The following KALRN variants were observed in gnomAD, a reference collection of about 807,000 sequenced individuals.
The protein encoded by KALRN is kalirin.
Under a neutral mutation model 353.7 loss-of-function variants are expected in KALRN, and 70 were observed. The observed-to-expected ratio is 0.20, with a 90% CI of 0.16 to 0.24. The LOEUF (loss-of-function observed/expected upper bound fraction) is 0.24, where lower values mean the gene tolerates loss of function less well. KALRN is among the 10% of genes least tolerant of loss of function. The pLI is 1.00. For missense variants in KALRN, 2,791 were observed against 3,756.7 expected, an observed-to-expected ratio of 0.74 and a Z score of 6.72; for synonymous variants, 1,391 against 1,434.8, an observed-to-expected ratio of 0.97 and a Z score of 0.69.
chr3:124,432,645 C>T (rs566633280), intron 16 of KALRN, among the ~76,000 whole-genome samples: 12 of 152,296 alleles, frequency 7.9e-5, no homozygotes, highest in Admixed American at 2.0e-4. Flanking sequence ...TTAAGCATCT[C>T]AATGAGCTTT....
chr3:124,149,343 C>T lies in KALRN; in HGVS notation c.74-78647C>T, dbSNP rs142133491. Among the ~76,000 whole-genome samples, 457 of 152,302 alleles carry T rather than the reference C, an allele frequency of 3.0e-3. 1 individual carries two copies. The highest frequency in any genetic ancestry group is 3.4e-3 in the Middle Eastern group (1 of 292). On this transcript the variant is annotated intron_variant, in intron 1 of 59. Transcript: ENST00000682506. Reference sequence around the variant, plus strand: ...GACTCAGGCATTGAAACCATTGCTACAAGTAGGAGTCTTGGCACCTACCTA... The same window carrying T: ...GACTCAGGCATTGAAACCATTGCTATAAGTAGGAGTCTTGGCACCTACCTA...
chr3:124,141,119 G>A (rs1477537253), intron 1 of KALRN, among the ~76,000 whole-genome samples: 2 of 152,018 alleles, frequency 1.3e-5, no homozygotes, highest in Admixed American at 1.3e-4. Flanking sequence ...AAATACCCAG[G>A]GAACCGGTCC....
At chr3:124,700,098 G>C (rs1323078807) in intron 56 of KALRN, 65 bp downstream of exon 56, 1 of 1,524,272 alleles carries the variant, frequency 6.6e-7, no homozygotes, top group Non-Finnish European at 9.0e-7. Context: ...GCCTGTCACA[G>C]ACTCCTGGGC....
At chr3:124,571,055 C>T (rs546352782) in intron 34 of KALRN, among the ~76,000 whole-genome samples, 13 of 152,276 alleles carry the variant, frequency 8.5e-5, no homozygotes, top group South Asian at 4.2e-4. Flanking sequence ...TTTCTACCCA[C>T]GTCTCCTTCT....
chr3:124,498,273 A>C (rs1221996726), intron 33 of KALRN, among the ~76,000 whole-genome samples: 2 of 152,194 alleles, frequency 1.3e-5, no homozygotes, highest in Non-Finnish European at 2.9e-5. Context: ...TCATGTGCCA[A>C]GCTCTGTGCT....
intron 32 of KALRN, 21 bp downstream of exon 32, chr3:124,492,903 C>T: frequency 6.2e-7 from 1 of 1,610,410 alleles, no homozygotes; most frequent in Non-Finnish European, 8.5e-7. Context: ...CCTCTCCCTC[C>T]AGCACTGCCT....
chr3:124,516,636 T>TAAA (rs371660048), intron 33 of KALRN, among the ~76,000 whole-genome samples: 31,571 of 118,348 alleles, frequency 0.27, 3,933 homozygotes, highest in East Asian at 0.47. Flanking sequence ...AGCACATCTA[T>TAAA]AAAAAAAAAA....
rs1190631187 is a variant in KALRN, at chr3:124,110,468, C to T, written c.73+76655C>T. 1.1e-4 allele frequency among the ~76,000 whole-genome samples: 8 copies of T among 75,548 alleles called. 1 individual carries two copies. Among genetic ancestry groups the T allele is most frequent in the African/African-American group, 1.8e-4 (5 of 28,424 alleles). 49.6% of individuals were successfully genotyped at this position (75,548 alleles called of 152,430 possible). ...TATATATTTCATATATACACACGCG[C>T]GCACACACACACACACACACACACA... On this transcript the variant is annotated intron_variant, in intron 1 of 59. Coordinates refer to ENST00000682506, the MANE Select transcript of KALRN (RefSeq NM_001388419.1).
chr3:124,613,344 G>T (rs2078214879), intron 34 of KALRN, among the ~76,000 whole-genome samples: 1 of 152,138 alleles, frequency 6.6e-6, no homozygotes, highest in South Asian at 2.1e-4. Context: ...TTTGACTCTT[G>T]CCCTAGGTGA....
At chr3:124,675,775 T>C (rs765822427) in intron 49 of KALRN, among the ~76,000 whole-genome samples, 3 of 152,174 alleles carry the variant, frequency 2.0e-5, no homozygotes, top group Non-Finnish European at 4.4e-5. Context: ...AGGCAGTGTT[T>C]GACTGGCATT....
intron 2 of KALRN, among the ~76,000 whole-genome samples, chr3:124,231,146 C>G (rs2079110190): frequency 6.6e-6 from 1 of 152,188 alleles, no homozygotes; most frequent in African/African-American, 2.4e-5. Context: ...TAATCCAGGG[C>G]AGCCCAGAAG....
At chr3:124,267,282 A>C (rs916015624) in intron 4 of KALRN, among the ~76,000 whole-genome samples, 6 of 152,198 alleles carry the variant, frequency 3.9e-5, no homozygotes, top group Non-Finnish European at 8.8e-5. Flanking sequence ...GTACTTTGGA[A>C]TAGGGTTTCT....
intron 53 of KALRN, 128 bp from the exon 54 acceptor site, chr3:124,696,006 G>A: frequency 1.1e-6 from 1 of 914,216 alleles, no homozygotes. Context: ...GTAGCTCACA[G>A]ACCAGGGACT....
chr3:124,527,754 T>A (rs1577731942), intron 33 of KALRN, among the ~76,000 whole-genome samples: 2 of 152,230 alleles, frequency 1.3e-5, no homozygotes, highest in African/African-American at 4.8e-5. Context: ...AGAAGTCAAG[T>A]GGGAACCTCA....
intron 8 of KALRN, among the ~76,000 whole-genome samples, chr3:124,331,479 A>G (rs973590390): frequency 2.6e-5 from 4 of 152,226 alleles, no homozygotes; most frequent in African/African-American, 9.6e-5. Flanking sequence ...AAAAAATAAA[A>G]TGAAGGTAAT....
intron 33 of KALRN, among the ~76,000 whole-genome samples, chr3:124,529,613 G>T (rs2067872796): frequency 6.6e-6 from 1 of 152,106 alleles, no homozygotes; most frequent in Non-Finnish European, 1.5e-5. Context: ...TGGAACCCAG[G>T]TGCACAGCCA....
At chr3:124,626,543 A>G (rs2079980097) in intron 34 of KALRN, among the ~76,000 whole-genome samples, 1 of 152,206 alleles carries the variant, frequency 6.6e-6, no homozygotes, top group African/African-American at 2.4e-5. Flanking sequence ...ATACCAGAAC[A>G]TTAGGGGCTC....
chr3:124,264,986 A>G (rs944682429), intron 4 of KALRN, among the ~76,000 whole-genome samples: 7 of 152,178 alleles, frequency 4.6e-5, no homozygotes, highest in African/African-American at 1.7e-4. Context: ...AAACCTTAGG[A>G]AGAGTTTATA....
At chr3:124,161,557 C>T (rs530401562) in intron 1 of KALRN, among the ~76,000 whole-genome samples, 4 of 152,338 alleles carry the variant, frequency 2.6e-5, no homozygotes, top group Non-Finnish European at 5.9e-5. Flanking sequence ...AAGGTGAAAA[C>T]AGATTTGCAT....
Sources: gnomAD v4.1 joint callset for allele counts (sites outside exome capture counted in the v4.1 genomes callset) on GRCh38, gnomAD v4.1.1 for gene constraint, MANE v1.5 for transcripts, NCBI Gene and HGNC (gene_info 2026-07-23, HGNC 2026-07-21) for gene names.